Variants in CGNL1 observed in about 807,000 individuals in gnomAD.
The protein encoded by CGNL1 is cingulin like 1.
A neutral mutation model predicts 141.2 loss-of-function variants in CGNL1; 132 were observed. The ratio of observed to expected loss-of-function variants is 0.93; its 90% CI spans 0.81 to 1.08. CGNL1 has a LOEUF of 1.08. Ranked by LOEUF, CGNL1 falls within the 50% of genes least tolerant of loss-of-function variation. The pLI, the probability that CGNL1 is intolerant of heterozygous loss-of-function variation, is 0.00. For missense variants in CGNL1, 1,870 were observed against 1,588.6 expected (o/e 1.18, Z -3.01); for synonymous variants, 690 against 622.1 (o/e 1.11, Z -1.63).
In CGNL1 at chr15:57,523,655, G is replaced by C. The variant is rs568493345; in HGVS notation, c.2868+14G>C. 3 of 1,613,424 alleles carry C rather than the reference G, an allele frequency of 1.9e-6. No homozygotes were observed. The South Asian group carries it at 3.3e-5, about 18-fold the overall frequency. ...CTGCAGAAGGAGGTGAGGGGCTGGA[G>C]GAGGAAAGAGGAAGTAGGGCCAGAT... On this transcript the variant is annotated intron_variant, in intron 11 of 18. Transcript: ENST00000281282.
intron 11 of CGNL1, among the ~76,000 whole-genome samples, chr15:57,524,089 C>G (rs1322723544): frequency 6.6e-6 from 1 of 152,194 alleles, no homozygotes; most frequent in Non-Finnish European, 1.5e-5. Context: ...GGCAGGCTTT[C>G]TGTATTCTGG....
intron 16 of CGNL1, among the ~76,000 whole-genome samples, chr15:57,545,119 G>A (rs548512868): frequency 2.0e-4 from 31 of 152,286 alleles, no homozygotes; most frequent in African/African-American, 4.6e-4. Context: ...ATGGCAGCCC[G>A]AGGGCCAGCA....
chr15:57,439,016 A>G lies in CGNL1; in HGVS notation c.1017A>G (p.Pro339=). 6.2e-7 allele frequency: 1 copy of G among 1,614,240 alleles called. No individual in the cohort carries two copies. Among genetic ancestry groups the G allele is most frequent in the Non-Finnish European group, 8.5e-7 (1 of 1,180,038 alleles). ...HENRRYIPFL[P]GTGRDIDTGS... is the part of the protein sequence containing the mutation. The stretch of plus-strand genomic sequence containing the variant: ...ACAGAAGGTATATTCCCTTCCTGCC[A>G]GGAACTGGACGGGATATTGATACAG... The change falls in exon 2 of 19, where the codon CCA becomes CCG. Residue 339 remains proline (P), a synonymous_variant. Transcript: ENST00000281282.
intron 8 of CGNL1, among the ~76,000 whole-genome samples, chr15:57,506,996 A>C (rs1055201564): frequency 6.6e-6 from 1 of 152,300 alleles, no homozygotes; most frequent in African/African-American, 2.4e-5. Flanking sequence ...GGTTTTTTAT[A>C]TATTCACAAT....
At chr15:57,529,446 G>A (rs1401926674) in intron 13 of CGNL1, among the ~76,000 whole-genome samples, 2 of 152,126 alleles carry the variant, frequency 1.3e-5, no homozygotes, top group East Asian at 1.9e-4. Flanking sequence ...TGTAAATGAA[G>A]TAACAGAATC....
At chr15:57,382,396 G>T (rs560055618) in intron 1 of CGNL1, among the ~76,000 whole-genome samples, 3 of 152,162 alleles carry the variant, frequency 2.0e-5, no homozygotes, top group Non-Finnish European at 4.4e-5. Context: ...TGTTATGAAC[G>T]TGCAATATTT....
intron 8 of CGNL1, among the ~76,000 whole-genome samples, chr15:57,475,047 G>A (rs1452530070): frequency 6.6e-6 from 1 of 152,188 alleles, no homozygotes; most frequent in African/African-American, 2.4e-5. Context: ...CAGCAGCTCA[G>A]TTCCATCCTC....
At chr15:57,534,253 A>C (rs1333083927) in intron 14 of CGNL1, among the ~76,000 whole-genome samples, 2 of 152,194 alleles carry the variant, frequency 1.3e-5, no homozygotes, top group Middle Eastern at 3.2e-3. Flanking sequence ...TTCTCACTGC[A>C]TCATCTGAGA....
At chr15:57,444,282 G>T (rs537353688) in intron 4 of CGNL1, among the ~76,000 whole-genome samples, 3 of 151,588 alleles carry the variant, frequency 2.0e-5, no homozygotes, top group East Asian at 1.9e-4. Context: ...AGTTTTTTTT[G>T]GTATCGAAAT....
chr15:57,428,893 T>C (rs1018928667), intron 1 of CGNL1, among the ~76,000 whole-genome samples: 1 of 151,930 alleles, frequency 6.6e-6, no homozygotes, highest in Non-Finnish European at 1.5e-5. Context: ...TGTGGCGACA[T>C]GTGCCTGTAA....
At chr15:57,406,408 G>T (rs1199325267) in intron 1 of CGNL1, among the ~76,000 whole-genome samples, 2 of 152,176 alleles carry the variant, frequency 1.3e-5, no homozygotes. Flanking sequence ...GGAGGGCAGA[G>T]CATTCTGAAC....
In CGNL1 at chr15:57,547,502, G is replaced by A; in HGVS notation, c.*12G>A. On this transcript the variant is annotated 3_prime_UTR_variant, in exon 19 of 19. Coordinates refer to ENST00000281282, the MANE Select transcript of CGNL1 (RefSeq NM_032866.5). ...CCAGCCAGATCTGAGTGCTCTCCCG[G>A]GCTGTGGAAGTACCTGTCATTCCTG... 6.2e-7 allele frequency: 1 copy of A among 1,610,400 alleles called. No homozygotes were observed. The highest frequency in any genetic ancestry group is 8.5e-7 in the Non-Finnish European group (1 of 1,178,384).
intron 10 of CGNL1, among the ~76,000 whole-genome samples, chr15:57,522,620 G>A (rs1165514607): frequency 6.6e-6 from 1 of 152,034 alleles, no homozygotes; most frequent in Non-Finnish European, 1.5e-5. Flanking sequence ...TTGTACCTAT[G>A]GCCCTAATGC....
chr15:57,533,596 C>T (rs970274249), intron 14 of CGNL1, among the ~76,000 whole-genome samples: 1 of 152,190 alleles, frequency 6.6e-6, no homozygotes, highest in Non-Finnish European at 1.5e-5. Context: ...GCCGTTACAA[C>T]AGACCTTCAG....
intron 1 of CGNL1, 73 bp from the exon 2 acceptor site, chr15:57,437,912 T>G: frequency 3.0e-6 from 4 of 1,325,766 alleles, no homozygotes; most frequent in Non-Finnish European, 4.1e-6. Flanking sequence ...CCCTTCCTAA[T>G]TATTTCAGTC....
In CGNL1 at chr15:57,452,164, G is replaced by A. The variant is rs1176610565; in HGVS notation, c.1929G>A (p.Glu643=). The change falls in exon 6 of 19, where the codon GAG becomes GAA. Residue 643 remains glutamate (E), a synonymous_variant. Transcript: ENST00000281282. The part of the protein sequence containing the change: ...EVKNQQNIKE[E]RERMRANLEE... ...AGAATCAACAGAACATTAAAGAAGA[G>A]AGAGAGAGGATGAGAGCAAACCTAG... 1.7e-5 allele frequency: 28 copies of A among 1,613,724 alleles called. No homozygotes were observed. The African/African-American group carries it at 3.5e-4, about 20-fold the overall frequency.
chr15:57,494,377 C>G (rs573389837), intron 8 of CGNL1, among the ~76,000 whole-genome samples: 1 of 152,296 alleles, frequency 6.6e-6, no homozygotes, highest in Non-Finnish European at 1.5e-5. Context: ...TAGGACCCTC[C>G]TGTGGTTCTG....
chr15:57,417,713 C>CT (rs1232872451), intron 1 of CGNL1, among the ~76,000 whole-genome samples: 1 of 150,736 alleles, frequency 6.6e-6, no homozygotes, highest in Non-Finnish European at 1.5e-5. Context: ...GCCAGATATA[C>CT]TGGGGGGAAA....
chr15:57,541,544 A>G (rs2032563830), intron 14 of CGNL1, among the ~76,000 whole-genome samples: 1 of 152,110 alleles, frequency 6.6e-6, no homozygotes, highest in African/African-American at 2.4e-5. Context: ...AGCGGGCCTG[A>G]GTTGGGTGGA....
Sources: gnomAD v4.1 joint callset for allele counts (sites outside exome capture counted in the v4.1 genomes callset) on GRCh38, gnomAD v4.1.1 for gene constraint, MANE v1.5 for transcripts, NCBI Gene and HGNC (gene_info 2026-07-23, HGNC 2026-07-21) for gene names.